Variants in DIAPH3 observed in about 807,000 individuals in gnomAD.
DIAPH3 encodes protein diaphanous homolog 3.
A neutral mutation model predicts 144.3 loss-of-function variants in DIAPH3; 117 were observed. The observed-to-expected ratio is 0.81, with a 90% CI of 0.70 to 0.95. DIAPH3 has a LOEUF of 0.95. Ranked by LOEUF, DIAPH3 falls within the 40% of genes least tolerant of loss-of-function variation. The probability of loss-of-function intolerance (pLI) is 0.00; values close to 1 mark genes in which losing one functional copy is unlikely to be tolerated. For missense variants in DIAPH3, 1,421 were observed against 1,412.7 expected, an observed-to-expected ratio of 1.01 and a Z score of -0.09; for synonymous variants, 519 against 488.9, an observed-to-expected ratio of 1.06 and a Z score of -0.81.
intron 1 of DIAPH3, among the ~76,000 whole-genome samples, chr13:60,162,457 T>G (rs1820824310): frequency 6.6e-6 from 1 of 152,206 alleles, no homozygotes; most frequent in South Asian, 2.1e-4. Flanking sequence ...CTCTGTCCTA[T>G]TCATTCTTCA....
chr13:59,941,339 G>A (rs114628040), intron 17 of DIAPH3, among the ~76,000 whole-genome samples: 428 of 152,218 alleles, frequency 2.8e-3, no homozygotes, highest in African/African-American at 9.0e-3. Flanking sequence ...GAGAGAACTC[G>A]CAGGGGATCA....
At chr13:59,975,314 C>T (rs1174105654) in intron 14 of DIAPH3, among the ~76,000 whole-genome samples, 2 of 151,836 alleles carry the variant, frequency 1.3e-5, no homozygotes, top group Admixed American at 6.6e-5. Flanking sequence ...AGAACTCCAC[C>T]GTTTACAAAG....
chr13:59,833,064 T>A, intron 24 of DIAPH3, 43 bp downstream of exon 24: 1 of 1,447,956 alleles, frequency 6.9e-7, no homozygotes, highest in Non-Finnish European at 9.5e-7. Flanking sequence ...GATAAGATAG[T>A]ATAAATAAAA....
intron 4 of DIAPH3, among the ~76,000 whole-genome samples, chr13:60,083,885 G>C (rs927568470): frequency 1.3e-5 from 2 of 151,636 alleles, no homozygotes; most frequent in South Asian, 4.2e-4. Context: ...CTGGGTGACA[G>C]AGCAAGACCC....
chr13:59,684,001 C>G (rs1006679395), intron 27 of DIAPH3, among the ~76,000 whole-genome samples: 8 of 151,620 alleles, frequency 5.3e-5, no homozygotes, highest in African/African-American at 1.9e-4. Flanking sequence ...CCTGTTAATT[C>G]TGACATACTC....
chr13:59,894,030 C>A (rs1377570972), intron 20 of DIAPH3, among the ~76,000 whole-genome samples: 3 of 151,992 alleles, frequency 2.0e-5, no homozygotes, highest in South Asian at 4.1e-4. Flanking sequence ...GGTAGCCTTT[C>A]AATAATTCAT....
chr13:60,094,479 T>C (rs993596415), intron 3 of DIAPH3, among the ~76,000 whole-genome samples: 4 of 152,282 alleles, frequency 2.6e-5, no homozygotes, highest in African/African-American at 7.2e-5. Flanking sequence ...TAAGAGGCTA[T>C]TCTGGCAAAG....
intron 17 of DIAPH3, among the ~76,000 whole-genome samples, chr13:59,957,242 A>G (rs1170371703): frequency 6.6e-6 from 1 of 152,162 alleles, no homozygotes; most frequent in Non-Finnish European, 1.5e-5. Context: ...CTCCACCCAA[A>G]TCTTATCTTG....
chr13:59,946,781 C>A (rs965848851), intron 17 of DIAPH3, among the ~76,000 whole-genome samples: 2 of 151,956 alleles, frequency 1.3e-5, no homozygotes, highest in Non-Finnish European at 2.9e-5. Context: ...TTTAACTATA[C>A]CACCACTGCC....
intron 14 of DIAPH3, among the ~76,000 whole-genome samples, chr13:59,979,332 C>G (rs2050853851): frequency 6.6e-6 from 1 of 151,530 alleles, no homozygotes; most frequent in South Asian, 2.1e-4. Flanking sequence ...AAATCAAGTA[C>G]TTGAAAGTCT....
chr13:59,810,285 G>A (rs1422688739), intron 25 of DIAPH3, among the ~76,000 whole-genome samples: 3 of 152,136 alleles, frequency 2.0e-5, no homozygotes, highest in South Asian at 2.1e-4. Context: ...TCAACCTCCC[G>A]AGTAGCTGGG....
chr13:59,929,554 C>CTTTTTTTTTTTTTTTTTTTTTT (rs1167902415), intron 17 of DIAPH3, among the ~76,000 whole-genome samples: 1 of 56,088 alleles, frequency 1.8e-5, no homozygotes, highest in Non-Finnish European at 3.4e-5. Flanking sequence ...AAATTTTGTT[C>CTTTTTTTTTTTTTTTTTTTTTT]TTTTTTTTTT....
chr13:59,986,956 C>T (rs915911779), intron 12 of DIAPH3, among the ~76,000 whole-genome samples: 5 of 150,976 alleles, frequency 3.3e-5, no homozygotes, highest in Non-Finnish European at 5.9e-5. Context: ...ACCATTTGAC[C>T]CAGCCATCCC....
intron 4 of DIAPH3, among the ~76,000 whole-genome samples, chr13:60,076,755 A>G (rs2057395929): frequency 6.6e-6 from 1 of 152,174 alleles, no homozygotes; most frequent in Non-Finnish European, 1.5e-5. Context: ...TATTTGGCAC[A>G]TTACCCACTG....
intron 24 of DIAPH3, among the ~76,000 whole-genome samples, chr13:59,828,099 C>T (rs552977758): frequency 9.9e-5 from 15 of 151,946 alleles, no homozygotes; most frequent in Non-Finnish European, 1.3e-4. Flanking sequence ...ATGCCCGATA[C>T]GCCACCGATT....
intron 14 of DIAPH3, among the ~76,000 whole-genome samples, chr13:59,979,254 T>G (rs1156477494): frequency 1.3e-5 from 2 of 151,640 alleles, no homozygotes; most frequent in Non-Finnish European, 3.0e-5. Flanking sequence ...CATGTTTGAC[T>G]CCATTCATAT....
chr13:60,125,506 A>C (rs923465807), intron 2 of DIAPH3, among the ~76,000 whole-genome samples: 2 of 150,118 alleles, frequency 1.3e-5, no homozygotes, highest in Non-Finnish European at 3.0e-5. Flanking sequence ...CTCCCAAACA[A>C]AGTGCCGTGA....
At chr13:59,770,873 T>C (rs758106366) in intron 27 of DIAPH3, among the ~76,000 whole-genome samples, 42 of 152,292 alleles carry the variant, frequency 2.8e-4, no homozygotes, top group Non-Finnish European at 5.0e-4. Context: ...AACAGCTTAA[T>C]AAATTTTGCT....
chr13:60,011,758 T>C (rs182630763), intron 7 of DIAPH3, among the ~76,000 whole-genome samples: 3 of 152,308 alleles, frequency 2.0e-5, no homozygotes, highest in Admixed American at 2.0e-4. Context: ...ACTGCCACAA[T>C]GGGCACAGGT....
Sources: gnomAD v4.1 joint callset for allele counts (sites outside exome capture counted in the v4.1 genomes callset) on GRCh38, gnomAD v4.1.1 for gene constraint, MANE v1.5 for transcripts, NCBI Gene and HGNC (gene_info 2026-07-23, HGNC 2026-07-21) for gene names.